Variants in FHIP1A observed in about 807,000 individuals in gnomAD.
FHIP1A encodes FHF complex subunit HOOK interacting protein 1A, also known as FHF complex subunit HOOK-interacting protein 1A.
FHIP1A carries 61 observed loss-of-function variants against 88.6 expected under a neutral mutation model. The ratio of observed to expected loss-of-function variants is 0.69; its 90% CI spans 0.56 to 0.85. The LOEUF (loss-of-function observed/expected upper bound fraction) is 0.85, where lower values mean the gene tolerates loss of function less well. Ranked by LOEUF, FHIP1A falls within the 40% of genes least tolerant of loss-of-function variation. The pLI, the probability that FHIP1A is intolerant of heterozygous loss-of-function variation, is 0.00. For missense variants in FHIP1A, 1,154 were observed against 1,273.5 expected (o/e 0.91, Z 1.43); for synonymous variants, 478 against 496.0 (o/e 0.96, Z 0.48).
chr4:151,611,302 A>G (rs1735317167), intron 7 of FHIP1A, among the ~76,000 whole-genome samples: 1 of 152,150 alleles, frequency 6.6e-6, no homozygotes, highest in Admixed American at 6.5e-5. Flanking sequence ...TAACTCTTAA[A>G]TGTCGTGGAA....
chr4:151,485,776 G>A (rs1207279011), intron 3 of FHIP1A, among the ~76,000 whole-genome samples: 1 of 151,846 alleles, frequency 6.6e-6, no homozygotes, highest in African/African-American at 2.4e-5. Context: ...ATTTTTTGTA[G>A]AGACGGGTTT....
intron 1 of FHIP1A, among the ~76,000 whole-genome samples, chr4:151,445,999 G>A (rs1728586923): frequency 1.3e-5 from 2 of 151,760 alleles, no homozygotes; most frequent in South Asian, 4.2e-4. Flanking sequence ...ATGTGCAAGA[G>A]TTTCTCTAGG....
chr4:151,514,676 C>T (rs551225449), intron 3 of FHIP1A, among the ~76,000 whole-genome samples: 16 of 152,226 alleles, frequency 1.1e-4, no homozygotes, highest in South Asian at 4.2e-4. Context: ...CTACAAACAC[C>T]TCTATGCAAA....
In FHIP1A at chr4:151,650,519, C is replaced by G. The variant is rs746561179; in HGVS notation, c.2478C>G (p.Ser826=). 1.5e-5 allele frequency: 24 copies of G among 1,551,516 alleles called. No homozygotes were observed. The highest frequency in any genetic ancestry group is 2.0e-5 in the Non-Finnish European group (23 of 1,147,040). The change falls in exon 11 of 14, where the codon TCC becomes TCG. Residue 826 remains serine, a synonymous_variant. Coordinates refer to ENST00000435205, the MANE Select transcript of FHIP1A (RefSeq NM_001109977.3). ...TGCCTGCTGTAGAGACTGTGCCTTCCCCATTTGTGGGGAGAGATGAGGCTG... is the reference window on the plus strand; with the variant it reads ...TGCCTGCTGTAGAGACTGTGCCTTCGCCATTTGTGGGGAGAGATGAGGCTG... ...AEMPAVETVP[S]PFVGRDEAAF... is the part of the protein sequence containing the mutation.
At chr4:151,494,291 T>A (rs540905309) in intron 3 of FHIP1A, among the ~76,000 whole-genome samples, 5 of 152,300 alleles carry the variant, frequency 3.3e-5, no homozygotes, top group African/African-American at 9.6e-5. Context: ...CTTCCAGGGT[T>A]TTTATAGTTT....
chr4:151,659,381 A>G (rs1399190595), intron 13 of FHIP1A, among the ~76,000 whole-genome samples: 1 of 152,202 alleles, frequency 6.6e-6, no homozygotes, highest in African/African-American at 2.4e-5. Flanking sequence ...CCTGTAAATG[A>G]GTCAAATCTG....
At chr4:151,661,607 T>C (rs1318786686) in intron 13 of FHIP1A, among the ~76,000 whole-genome samples, 1 of 151,984 alleles carries the variant, frequency 6.6e-6, no homozygotes, top group Non-Finnish European at 1.5e-5. Flanking sequence ...ATTGTTTGGG[T>C]AGGGGGCAGA....
intron 5 of FHIP1A, among the ~76,000 whole-genome samples, chr4:151,584,189 G>C (rs1446988565): frequency 6.6e-6 from 1 of 151,966 alleles, no homozygotes; most frequent in Non-Finnish European, 1.5e-5. Context: ...ACCCCTCCTA[G>C]GCCCTCCCAT....
In FHIP1A at chr4:151,464,199, A is replaced by G. The variant is rs529937479; in HGVS notation, c.-248+9391A>G. ...CACCACCATGCCCAGCAATATTTTT[A>G]TTTCTGTAATGTGTCATTTAGCCAG... On this transcript the variant is annotated intron_variant, in intron 2 of 13. Transcript: ENST00000435205. Among the ~76,000 whole-genome samples, 101 of 152,068 alleles carry G rather than the reference A, an allele frequency of 6.6e-4. 1 individual carries two copies. The highest frequency in any genetic ancestry group is 1.1e-3 in the Non-Finnish European group (76 of 67,998).
intron 2 of FHIP1A, among the ~76,000 whole-genome samples, chr4:151,455,523 T>C (rs1053675911): frequency 2.6e-5 from 4 of 152,208 alleles, no homozygotes; most frequent in African/African-American, 4.8e-5. Flanking sequence ...AAAGGAACCA[T>C]GGAAGGACTA....
At chr4:151,450,229 T>G in intron 1 of FHIP1A, among the ~76,000 whole-genome samples, 1 of 152,116 alleles carries the variant, frequency 6.6e-6, no homozygotes, top group Admixed American at 6.6e-5. Context: ...AAATAAAAAG[T>G]AAAACTGAAA....
chr4:151,523,186 A>C lies in FHIP1A; in HGVS notation c.-123+40538A>C, dbSNP rs544892319. 2.6e-5 allele frequency among the ~76,000 whole-genome samples: 4 copies of C among 152,308 alleles called. No homozygotes were observed. The South Asian group carries it at 8.3e-4, about 32-fold the overall frequency. ...TTGAGGCGGTTGCAGGAGAAAATCAACTTAAGAAGAGGTGGCATTTTGAAG... is the reference window on the plus strand; with the variant it reads ...TTGAGGCGGTTGCAGGAGAAAATCACCTTAAGAAGAGGTGGCATTTTGAAG... On this transcript the variant is annotated intron_variant, in intron 3 of 13. Coordinates refer to ENST00000435205, the MANE Select transcript of FHIP1A (RefSeq NM_001109977.3).
intron 4 of FHIP1A, among the ~76,000 whole-genome samples, chr4:151,570,130 G>T (rs539621249): frequency 6.6e-6 from 1 of 152,278 alleles, no homozygotes; most frequent in Admixed American, 6.5e-5. Flanking sequence ...ATGACACACA[G>T]AATTTGTTAC....
chr4:151,445,661 G>T (rs1047067856), intron 1 of FHIP1A, among the ~76,000 whole-genome samples: 3 of 151,596 alleles, frequency 2.0e-5, no homozygotes, highest in African/African-American at 7.3e-5. Context: ...TAGGAACCCT[G>T]TGCCAGGAAT....
chr4:151,424,947 A>G (rs1733307169), intron 1 of FHIP1A, among the ~76,000 whole-genome samples: 2 of 152,212 alleles, frequency 1.3e-5, no homozygotes, highest in South Asian at 2.1e-4. Flanking sequence ...CTCCAATGAA[A>G]TAATAGATTT....
At chr4:151,579,060 A>C (rs1733925519) in intron 5 of FHIP1A, among the ~76,000 whole-genome samples, 1 of 152,004 alleles carries the variant, frequency 6.6e-6, no homozygotes, top group African/African-American at 2.4e-5. Flanking sequence ...CTATGGAGAC[A>C]GTAAAAAGAT....
intron 4 of FHIP1A, among the ~76,000 whole-genome samples, chr4:151,567,937 A>G (rs975179385): frequency 3.9e-5 from 6 of 152,318 alleles, no homozygotes; most frequent in South Asian, 4.1e-4. Flanking sequence ...TCGTTTGCGC[A>G]TAATACCTTT....
intron 9 of FHIP1A, among the ~76,000 whole-genome samples, chr4:151,640,720 G>C (rs1001637942): frequency 1.3e-5 from 2 of 152,312 alleles, no homozygotes; most frequent in East Asian, 1.9e-4. Flanking sequence ...GAGGTGCAGA[G>C]CCTCCCAGCT....
In FHIP1A at chr4:151,638,760, A is replaced by G; in HGVS notation, c.1226+4A>G. On this transcript the variant is annotated splice_donor_region_variant and intron_variant, in intron 9 of 13. Coordinates refer to ENST00000435205, the MANE Select transcript of FHIP1A (RefSeq NM_001109977.3). Reference sequence around the variant, plus strand: ...TGATGTTACAGCTAGTTCTAAGGTGAGTTGCCTTTTTTGTTTCCTTTAAAG... The same window carrying G: ...TGATGTTACAGCTAGTTCTAAGGTGGGTTGCCTTTTTTGTTTCCTTTAAAG... 1 of 1,529,704 alleles carries G rather than the reference A, an allele frequency of 6.5e-7. No individual in the cohort carries two copies. Among genetic ancestry groups the G allele is most frequent in the Non-Finnish European group, 8.8e-7 (1 of 1,132,014 alleles). 94.8% of individuals were successfully genotyped at this position (1,529,704 alleles called of 1,614,324 possible).
Sources: allele counts gnomAD v4.1 joint callset (sites outside exome capture counted in the v4.1 genomes callset), GRCh38; gene constraint gnomAD v4.1.1; transcripts MANE v1.5; gene names NCBI Gene and HGNC (gene_info 2026-07-23, HGNC 2026-07-21).